The following SCOC variants were observed in gnomAD, a reference collection of about 807,000 sequenced individuals.
SCOC encodes the protein short coiled-coil protein.
In SCOC, 7 loss-of-function variants were observed where a neutral mutation model predicts 9.9. The ratio of observed to expected loss-of-function variants is 0.71; its 90% confidence interval spans 0.40 to 1.33. SCOC has a LOEUF of 1.33. Among genes scored for constraint, SCOC ranks in the 40% most tolerant of loss-of-function variants. The pLI, the probability that SCOC is intolerant of heterozygous loss-of-function variation, is 0.01. For missense variants in SCOC, 66 were observed against 89.7 expected (o/e 0.74, Z 1.07); for synonymous variants, 19 against 28.2 (o/e 0.67, Z 1.03).
In SCOC at chr4:140,383,439, A is replaced by G. The variant is rs358315; in HGVS notation, c.*2335A>G. 0.039 allele frequency: 5,868 copies of G among 152,346 alleles called. 142 individuals are homozygous for G. The highest frequency in any genetic ancestry group is 0.094 in the South Asian group (452 of 4,830). 9.4% of individuals were successfully genotyped at this position (152,346 alleles called of 1,614,324 possible). A position where few individuals can be genotyped will look rare whatever the true frequency, so the allele number is the denominator to read the frequency against. On this transcript the variant is annotated 3_prime_UTR_variant, in exon 4 of 4. Coordinates refer to ENST00000608372, the MANE Select transcript of SCOC (RefSeq NM_001153484.2). Reference sequence around the variant, plus strand: ...TAGTTGGGACAGGATGGCCAAATAAAAAGTCTCAATTTGGAAAATGGAATA... The same window carrying G: ...TAGTTGGGACAGGATGGCCAAATAAGAAGTCTCAATTTGGAAAATGGAATA...
chr4:140,360,531 C>G (rs1727420113), intron 2 of SCOC, among the ~76,000 whole-genome samples: 1 of 152,164 alleles, frequency 6.6e-6, no homozygotes, highest in Admixed American at 6.5e-5. Flanking sequence ...TTTCTGCTTT[C>G]TCACTGGGAT....
intron 1 of SCOC, among the ~76,000 whole-genome samples, chr4:140,291,747 A>T (rs557830539): frequency 6.6e-6 from 1 of 152,174 alleles, no homozygotes; most frequent in Non-Finnish European, 1.5e-5. Flanking sequence ...TCCAGGATCC[A>T]TCTGATTTCT....
upstream of SCOC, among the ~76,000 whole-genome samples, chr4:140,372,830 C>A (rs72716368): frequency 6.6e-6 from 1 of 152,098 alleles, no homozygotes. Flanking sequence ...AAGCAGGATG[C>A]CGCTTTGTGT....
upstream of SCOC, among the ~76,000 whole-genome samples, chr4:140,338,943 A>T (rs1252499681): frequency 6.6e-6 from 1 of 152,222 alleles, no homozygotes; most frequent in Non-Finnish European, 1.5e-5. Flanking sequence ...GAATTGGAAA[A>T]AACTACTTTA....
chr4:140,281,723 G>A (rs1159678139), intron 1 of SCOC, among the ~76,000 whole-genome samples: 1 of 152,186 alleles, frequency 6.6e-6, no homozygotes, highest in Non-Finnish European at 1.5e-5. Flanking sequence ...TTTCACTTGA[G>A]CCTTCTCCTT....
intron 1 of SCOC, among the ~76,000 whole-genome samples, chr4:140,321,960 G>A (rs896244600): frequency 9.2e-5 from 14 of 152,144 alleles, no homozygotes; most frequent in Non-Finnish European, 1.9e-4. Context: ...TATAAAAAGG[G>A]CTTGCAGGAG....
Position 140,380,872 on chromosome 4 carries a change from ATTTCT to A in SCOC, c.107-86_107-82del. On this transcript the variant is annotated intron_variant, in intron 3 of 3. Coordinates refer to ENST00000608372, the MANE Select transcript of SCOC (RefSeq NM_001153484.2). Reference sequence around the variant, plus strand: ...ATTCTTAAAATTTAAGGATTGTATTATTTCTTTTAAGAATGAATCCTAAGAATTTT... The same window carrying A: ...ATTCTTAAAATTTAAGGATTGTATTATTTAAGAATGAATCCTAAGAATTTT... The A allele has an allele frequency of 2.9e-6, 3 of 1,032,952 alleles. No homozygotes were observed. In the South Asian group the frequency reaches 6.2e-5, roughly 21 times the overall value. The allele number at this position is 1,032,952 out of a possible 1,614,324, so 64.0% of individuals were successfully genotyped here.
At position 140,381,299 on chromosome 4, in the gene SCOC, C is replaced by G. The variant is rs1245015441; in HGVS notation, c.*195C>G. 3 of 468,554 alleles carry G rather than the reference C, an allele frequency of 6.4e-6. No homozygotes were observed. Among genetic ancestry groups the G allele is most frequent in the Non-Finnish European group, 1.1e-5 (3 of 265,046 alleles). 29.0% of individuals were successfully genotyped at this position (468,554 alleles called of 1,614,324 possible). A position where few individuals can be genotyped will look rare whatever the true frequency, so the allele number is the denominator to read the frequency against. The stretch of plus-strand genomic sequence containing the variant: ...TATTATGTTAGTCTATGAAAACGTG[C>G]AAATGTATTGTAGAGACTTTATGAT... On this transcript the variant is annotated 3_prime_UTR_variant, in exon 4 of 4. Transcript: ENST00000608372.
intron 1 of SCOC, among the ~76,000 whole-genome samples, chr4:140,316,448 G>C (rs1194957578): frequency 2.0e-5 from 3 of 152,162 alleles, no homozygotes; most frequent in Non-Finnish European, 4.4e-5. Flanking sequence ...TTTGCATATA[G>C]ATATATTTGC....
intron 1 of SCOC, among the ~76,000 whole-genome samples, chr4:140,279,471 AT>A (rs911876544): frequency 4.6e-5 from 7 of 152,106 alleles, no homozygotes; most frequent in African/African-American, 1.7e-4. Flanking sequence ...ACTGCTTGGA[AT>A]TTTTTTAAAG....
rs1415810976 is a variant in SCOC at position 140,313,397 on chromosome 4, C to T, written c.-18-30224C>T. On this transcript the variant is annotated intron_variant, in intron 1 of 4. Transcript: ENST00000394205. ...CTCCTGAGGAACTGGGATCATAGGC[C>T]CGTGTCACCACACCCAGCTAATTTT... 2.6e-5 allele frequency among the ~76,000 whole-genome samples: 4 copies of T among 152,176 alleles called. No homozygotes were observed. The Middle Eastern group carries it at 0.01, about 388-fold the overall frequency.
chr4:140,262,763 C>A (rs1730659440), intron 1 of SCOC, among the ~76,000 whole-genome samples: 1 of 151,938 alleles, frequency 6.6e-6, no homozygotes, highest in Non-Finnish European at 1.5e-5. Context: ...AGGAAACTTA[C>A]AATTATGGCG....
At chr4:140,284,585 T>G (rs1261310123) in intron 1 of SCOC, 7 of 152,266 alleles carry the variant, frequency 4.6e-5, no homozygotes, top group African/African-American at 1.7e-4. Context: ...AATGTTCTGA[T>G]GCTAAGCAGG....
At chr4:140,320,326 T>C (rs1328725003) in intron 1 of SCOC, among the ~76,000 whole-genome samples, 1 of 152,192 alleles carries the variant, frequency 6.6e-6, no homozygotes, top group Non-Finnish European at 1.5e-5. Context: ...ACCTCTTGTT[T>C]AGCATATCAT....
chr4:140,314,463 C>A (rs976234279), intron 1 of SCOC: 2 of 152,570 alleles, frequency 1.3e-5, no homozygotes, highest in African/African-American at 4.8e-5. Flanking sequence ...CTTGTGCCCA[C>A]TGGGTCTCCA....
At chr4:140,280,825 G>C (rs1261639279) in intron 1 of SCOC, among the ~76,000 whole-genome samples, 1 of 152,172 alleles carries the variant, frequency 6.6e-6, no homozygotes, top group African/African-American at 2.4e-5. Flanking sequence ...ATTTTTCAAA[G>C]TAATTTGCGA....
chr4:140,323,553 A>G (rs1732560767), intron 1 of SCOC, among the ~76,000 whole-genome samples: 1 of 152,200 alleles, frequency 6.6e-6, no homozygotes, highest in South Asian at 2.1e-4. Context: ...GCAACAAAGG[A>G]CATCACTACT....
At chr4:140,352,186 T>C (rs1386156062) in intron 2 of SCOC, among the ~76,000 whole-genome samples, 1 of 152,218 alleles carries the variant, frequency 6.6e-6, no homozygotes, top group African/African-American at 2.4e-5. Context: ...AATACTAATT[T>C]AAAAGATTAT....
intron 1 of SCOC, among the ~76,000 whole-genome samples, chr4:140,262,390 G>A (rs1192430778): frequency 6.6e-6 from 1 of 152,154 alleles, no homozygotes; most frequent in Non-Finnish European, 1.5e-5. Flanking sequence ...TTATAAGGCC[G>A]GGCTTGCTCT....
Sources: allele counts gnomAD v4.1 joint callset (sites outside exome capture counted in the v4.1 genomes callset), GRCh38; gene constraint gnomAD v4.1.1; transcripts MANE v1.5; gene names NCBI Gene and HGNC (gene_info 2026-07-23, HGNC 2026-07-21).